The following PCNT variants were observed in gnomAD, a reference collection of about 807,000 sequenced individuals.
PCNT encodes pericentrin, also known as kendrin.
Under a neutral mutation model 380.4 loss-of-function variants are expected in PCNT, and 319 were observed. The ratio of observed to expected loss-of-function variants is 0.84; its 90% confidence interval spans 0.77 to 0.92. The LOEUF (loss-of-function observed/expected upper bound fraction) is 0.92. Ranked by LOEUF, PCNT falls within the 40% of genes least tolerant of loss-of-function variation. The pLI, the probability that PCNT is intolerant of heterozygous loss-of-function variation, is 0.00. For missense variants in PCNT, 4,400 were observed against 4,255.3 expected (o/e 1.03, Z -0.95); for synonymous variants, 1,845 against 1,735.2 (o/e 1.06, Z -1.57).
At chr21:46,353,931 G>A (rs112800584) in intron 10 of PCNT, 56 bp from the exon 11 acceptor site, 102 of 1,440,332 alleles carry the variant, frequency 7.1e-5, no homozygotes, top group Non-Finnish European at 9.1e-5. Flanking sequence ...AGGGAATGGC[G>A]CACACATGGA....
chr21:46,381,573 C>T (rs927495901), intron 15 of PCNT, 121 bp from the exon 16 acceptor site: 31 of 903,636 alleles, frequency 3.4e-5, no homozygotes, highest in African/African-American at 2.5e-4. Flanking sequence ...TGGCTCATCC[C>T]GGCTCTTGGT....
rs145179466 is a variant in PCNT, at chr21:46,445,542, C to G, written c.*215C>G. The stretch of plus-strand genomic sequence containing the variant: ...ATGGAGCCTCCGTATGTTTTAGGCC[C>G]ATGACCTTCGTGAGGTGACGGGCAC... On this transcript the variant is annotated 3_prime_UTR_variant, in exon 47 of 47. Transcript: ENST00000359568. 68 of 594,204 alleles carry G rather than the reference C, an allele frequency of 1.1e-4. No individual in the cohort carries two copies. The highest frequency in any genetic ancestry group is 1.1e-3 in the African/African-American group (58 of 53,848). The allele number at this position is 594,204 out of a possible 1,614,324, so 36.8% of individuals were successfully genotyped here.
chr21:46,440,262 T>G, intron 42 of PCNT, 60 bp downstream of exon 42: 1 of 1,595,056 alleles, frequency 6.3e-7, no homozygotes. Flanking sequence ...GGTTTGCAAA[T>G]TGCAGGCAAA....
rs1158772619 is a variant in PCNT at position 46,440,839 on chromosome 21, GCTTT to G, written c.9394-15_9394-12del. 3.3e-6 allele frequency: 5 copies of G among 1,504,584 alleles called. No individual in the cohort carries two copies. The highest frequency in any genetic ancestry group is 1.4e-5 in the African/African-American group (1 of 72,714). The allele number at this position is 1,504,584 out of a possible 1,614,324, so 93.2% of individuals were successfully genotyped here. On this transcript the variant is annotated splice_polypyrimidine_tract_variant and intron_variant, in intron 42 of 46. Coordinates refer to ENST00000359568, the MANE Select transcript of PCNT (RefSeq NM_006031.6). The stretch of plus-strand genomic sequence containing the variant: ...TTGTTTCCTATGATAAAATTTTACT[GCTTT>G]TTTTCTTTTAGATGGAAAAATTGTA...
At chr21:46,346,472 C>T (rs1488607230) in intron 4 of PCNT, among the ~76,000 whole-genome samples, 7 of 152,194 alleles carry the variant, frequency 4.6e-5, no homozygotes, top group East Asian at 1.9e-4. Flanking sequence ...AGCTGCGAAG[C>T]CCCCTCCAGG....
rs758788000 is a variant in PCNT, at chr21:46,438,243, G to C, written c.9179G>C (p.Ser3060Thr). ...KDNVSLTKALSTVTQEKLELS... is the reference protein window; with the variant it reads ...KDNVSLTKALTTVTQEKLELS... ...AATGTTTCCCTCACAAAAGCGCTCA[G>C]CACGGTGACCCAGGAGAAGCTGGAG... is the stretch of plus-strand genomic sequence containing the variant. Residue 3060 changes from serine to threonine, a missense_variant, in exon 41 of 47, where the codon AGC becomes ACC. Coordinates refer to ENST00000359568, the MANE Select transcript of PCNT (RefSeq NM_006031.6). The C allele has an allele frequency of 6.2e-7, 1 of 1,614,166 alleles. No homozygotes were observed. The highest frequency in any genetic ancestry group is 2.2e-5 in the East Asian group (1 of 44,884).
chr21:46,351,172 C>T (rs544750435), intron 8 of PCNT, among the ~76,000 whole-genome samples: 157 of 152,282 alleles, frequency 1.0e-3, no homozygotes, highest in African/African-American at 3.6e-3. Context: ...CGTGCCACCT[C>T]CTCAGCTGAG....
intron 17 of PCNT, among the ~76,000 whole-genome samples, chr21:46,386,429 A>G (rs1208833462): frequency 1.3e-5 from 2 of 152,222 alleles, no homozygotes; most frequent in Non-Finnish European, 2.9e-5. Flanking sequence ...TGTGTTTCTG[A>G]GACCGGCCCA....
Position 46,428,623 on chromosome 21 carries a change from G to T in PCNT, c.7690+33G>T, listed in dbSNP as rs1235263684. 11 of 1,549,746 alleles carry T rather than the reference G, an allele frequency of 7.1e-6. No homozygotes were observed. In the East Asian group the frequency reaches 2.6e-4, roughly 36 times the overall value. On this transcript the variant is annotated intron_variant, in intron 35 of 46. Coordinates refer to ENST00000359568, the MANE Select transcript of PCNT (RefSeq NM_006031.6). Reference sequence around the variant, plus strand: ...TCACTGTCTACACTGCCTGGGGCCCGGCCTCTGCACCTGCCCGCCCGACAC... The same window carrying T: ...TCACTGTCTACACTGCCTGGGGCCCTGCCTCTGCACCTGCCCGCCCGACAC...
rs201877661 is a variant in PCNT, at chr21:46,436,108, G to C, written c.8956G>C (p.Ala2986Pro). 3 of 1,610,342 alleles carry C rather than the reference G, an allele frequency of 1.9e-6. No individual in the cohort carries two copies. Among genetic ancestry groups the C allele is most frequent in the African/African-American group, 2.7e-5 (2 of 74,916 alleles). Residue 2986 changes from alanine (A) to proline (P), a missense_variant, in exon 39 of 47, where the codon GCC becomes CCC. Transcript: ENST00000359568. ...GATGAGGCAGCGGCTGCTCTCTGCC[G>C]CCCGGCTTCTCACCAGCTTCACCAG... ...EAMRQRLLSA[A>P]RLLTSFTSQA...
chr21:46,379,150 T>G (rs777788236), intron 15 of PCNT, among the ~76,000 whole-genome samples: 9 of 152,334 alleles, frequency 5.9e-5, no homozygotes, highest in Non-Finnish European at 8.8e-5. Flanking sequence ...CCTTGAGAGA[T>G]CATTTCCTGG....
intron 29 of PCNT, among the ~76,000 whole-genome samples, chr21:46,415,539 C>A (rs1022525651): frequency 1.3e-4 from 19 of 151,990 alleles, no homozygotes; most frequent in African/African-American, 4.6e-4. Context: ...CACCCGCCAC[C>A]ATGCCTGGCT....
In PCNT at chr21:46,366,890, A is replaced by T; in HGVS notation, c.2916A>T (p.Glu972Asp). 1 of 1,614,170 alleles carries T rather than the reference A, an allele frequency of 6.2e-7. No individual in the cohort carries two copies. Among genetic ancestry groups the T allele is most frequent in the South Asian group, 1.1e-5 (1 of 91,086 alleles). The change falls in exon 15 of 47, where the codon GAA (glutamate) becomes GAT (aspartate). Residue 972 changes from glutamate (E) to aspartate (D), a missense_variant. Glu to Asp is a conservative substitution (Grantham distance 45). Transcript: ENST00000359568. Reference sequence around the variant, plus strand: ...ATCTGTCCAGCCTTGATTCTTTGGAATCCTGTTACCTCTCTGAATTTCAGA... The same window carrying T: ...ATCTGTCCAGCCTTGATTCTTTGGATTCCTGTTACCTCTCTGAATTTCAGA... The part of the protein sequence containing the change: ...TRHLSSLDSL[E>D]SCYLSEFQTI...
chr21:46,327,354 C>T (rs150838487), intron 2 of PCNT, among the ~76,000 whole-genome samples: 225 of 152,006 alleles, frequency 1.5e-3, no homozygotes, highest in African/African-American at 5.0e-3. Flanking sequence ...CCACCGTGCC[C>T]GGCCTATGGT....
chr21:46,399,460 C>T, intron 24 of PCNT, 130 bp from the exon 25 acceptor site: 1 of 719,140 alleles, frequency 1.4e-6, no homozygotes, highest in Non-Finnish European at 2.5e-6. Flanking sequence ...GAGTCTAGGT[C>T]TCCCTTTGGG....
chr21:46,326,673 C>A, intron 2 of PCNT, 84 bp downstream of exon 2: 3 of 1,412,294 alleles, frequency 2.1e-6, no homozygotes, highest in South Asian at 1.2e-5. Context: ...GGTCTTTGGT[C>A]TGTTTTTGCC....
Position 46,427,631 on chromosome 21 carries a change from A to G in PCNT, c.7330A>G (p.Thr2444Ala). ...TTCCTTCTTCCTTTAGGAAGTGCCC[A>G]CCGCGTGCCCCGATTGGAGAGGGGA... Reference protein sequence around the residue: ...LHGGKTQEVPTACPDWRGDLL... With the variant: ...LHGGKTQEVPAACPDWRGDLL... The change falls in exon 34 of 47, where the codon ACC (threonine) becomes GCC (alanine). Residue 2444 changes from threonine to alanine, a missense_variant. Physicochemically the swap from Thr to Ala is moderately conservative, Grantham distance 58. Transcript: ENST00000359568. 2 of 1,613,866 alleles carry G rather than the reference A, an allele frequency of 1.2e-6. No individual in the cohort carries two copies. The highest frequency in any genetic ancestry group is 1.1e-5 in the South Asian group (1 of 91,070).
intron 33 of PCNT, among the ~76,000 whole-genome samples, chr21:46,427,420 C>T (rs1435182656): frequency 1.3e-5 from 2 of 152,154 alleles, no homozygotes; most frequent in East Asian, 1.9e-4. Context: ...TCCTGGTTTG[C>T]GGACAGCGTC....
At chr21:46,352,501 C>T (rs902893224) in intron 9 of PCNT, among the ~76,000 whole-genome samples, 3 of 152,128 alleles carry the variant, frequency 2.0e-5, no homozygotes, top group Non-Finnish European at 2.9e-5. Context: ...CAGAGAACCC[C>T]GATTTGCCCT....
Sources: allele counts gnomAD v4.1 joint callset (sites outside exome capture counted in the v4.1 genomes callset), GRCh38; gene constraint gnomAD v4.1.1; transcripts MANE v1.5; gene names NCBI Gene and HGNC (gene_info 2026-07-23, HGNC 2026-07-21).